POLA1: variants seen among roughly 807,000 people sequenced by gnomAD.
POLA1 encodes the protein DNA polymerase alpha 1, catalytic subunit.
POLA1 carries 15 observed loss-of-function variants against 124.0 expected under a neutral mutation model. The ratio of observed to expected loss-of-function variants is 0.12; its 90% CI spans 0.08 to 0.19. The LOEUF is 0.19. POLA1 is among the 10% of genes least tolerant of loss of function. The pLI is 1.00. For synonymous variants in POLA1, 408 were observed against 389.4 expected (o/e 1.05, Z -0.56); for missense variants, 886 against 1,103.4 (o/e 0.80, Z 2.79).
intron 35 of POLA1, among the ~76,000 whole-genome samples, chrX:24,910,447 T>C (rs2047433204): frequency 9.0e-6 from 1 of 111,384 alleles, no homozygotes; most frequent in African/African-American, 3.3e-5. Flanking sequence ...GTTTTTAGCA[T>C]GAAGCGTTGT....
At position 24,821,494 on chromosome X, in the gene POLA1, C is replaced by G. The variant is rs200688540; in HGVS notation, c.3472C>G (p.Leu1158Val). Residue 1158 changes from leucine to valine, a missense_variant, in exon 31 of 37, where the codon CTA (leucine) becomes GTA (valine). Transcript: ENST00000379068. The stretch of plus-strand genomic sequence containing the variant: ...CCAGGATTACCCTGATAAAAAAAGC[C>G]TACCTCATGTACATGTTGCCCTCTG... ...DPQDYPDKKS[L>V]PHVHVALWIN... is the part of the protein sequence containing the mutation. The G allele has an allele frequency of 6.4e-5, 77 of 1,200,999 alleles. No homozygotes were observed. Among genetic ancestry groups the G allele is most frequent in the Non-Finnish European group, 7.9e-5 (70 of 887,621 alleles).
At chrX:24,851,257 C>T (rs374743592) in intron 34 of POLA1, among the ~76,000 whole-genome samples, 11 of 112,208 alleles carry the variant, frequency 9.8e-5, no homozygotes, top group Non-Finnish European at 1.9e-4. Flanking sequence ...GATAGGTGCT[C>T]GGTAAATTTT....
rs190888967 is a variant in POLA1 at position 24,800,649 on chromosome X, T to C, written c.2965-9249T>C. Among the ~76,000 whole-genome samples, 5 of 110,986 alleles carry C rather than the reference T, an allele frequency of 4.5e-5. No individual in the cohort carries two copies. In the East Asian group the frequency reaches 1.4e-3, roughly 31 times the overall value. ...TGAACTTCTAAACTGGAGGTTGGAG[T>C]GGAAGAGGAATGGAGAATAAGAATG... On this transcript the variant is annotated intron_variant, in intron 26 of 36. Coordinates refer to ENST00000379068, the MANE Select transcript of POLA1 (RefSeq NM_001330360.2).
intron 34 of POLA1, among the ~76,000 whole-genome samples, chrX:24,865,800 G>A (rs1011550595): frequency 4.5e-5 from 5 of 111,496 alleles, no homozygotes; most frequent in Admixed American, 9.6e-5. Flanking sequence ...ATCAGCTGAT[G>A]TACTTTTTGG....
intron 36 of POLA1, among the ~76,000 whole-genome samples, chrX:24,956,728 G>A (rs764160929): frequency 8.9e-6 from 1 of 111,839 alleles, no homozygotes; most frequent in South Asian, 3.7e-4. Context: ...TAGAATTTTG[G>A]CAATCATTCA....
At chrX:24,801,924 G>T (rs111261190) in intron 26 of POLA1, among the ~76,000 whole-genome samples, 1,432 of 74,486 alleles carry the variant, frequency 0.019, 35 homozygotes, top group African/African-American at 0.061. Context: ...GAGGTGGGTG[G>T]GTGTGTGTGT....
intron 23 of POLA1, among the ~76,000 whole-genome samples, chrX:24,744,877 G>A (rs764580254): frequency 9.4e-6 from 1 of 106,932 alleles, no homozygotes; most frequent in African/African-American, 3.4e-5. Flanking sequence ...ACTTGAACCC[G>A]GGAGGCAGAG....
Position 24,905,023 on chromosome X carries a change from C to CAAAA in POLA1, c.4164+16918_4164+16921dup, listed in dbSNP as rs59707195. Among the ~76,000 whole-genome samples, 84 of 43,943 alleles carry CAAAA rather than the reference C, an allele frequency of 1.9e-3. 1 individual carries two copies. The highest frequency in any genetic ancestry group is 5.6e-3 in the African/African-American group (83 of 14,832). The allele number at this position is 43,943 out of a possible 115,157, so 38.2% of individuals were successfully genotyped here. On this transcript the variant is annotated intron_variant, in intron 35 of 36. Transcript: ENST00000379068. ...TGGGCAACAGAGCAAGACTCTGTCT[C>CAAAA]AAAAAAAAAAAAAAAAAAAAGTTGT... is the stretch of plus-strand genomic sequence containing the variant.
At chrX:24,699,153 T>A (rs905803223) in intron 1 of POLA1, among the ~76,000 whole-genome samples, 2 of 112,167 alleles carry the variant, frequency 1.8e-5, no homozygotes, top group African/African-American at 6.5e-5. Context: ...AGGATATCAG[T>A]TGAATTGGGA....
At chrX:24,714,502 T>G in intron 4 of POLA1, 52 bp from the exon 5 acceptor site, 1 of 748,503 alleles carries the variant, frequency 1.3e-6, no homozygotes. Flanking sequence ...CTTTTAGTTT[T>G]CCATTTTGAT....
chrX:24,794,208 A>T (rs2045565865), intron 26 of POLA1, among the ~76,000 whole-genome samples: 1 of 111,298 alleles, frequency 9.0e-6, no homozygotes. Context: ...CAAATTCCTG[A>T]CCTCAAGTGA....
Position 24,989,037 on chromosome X carries a change from G to A in POLA1, c.4262-6768G>A, listed in dbSNP as rs778609448. 2.7e-5 allele frequency among the ~76,000 whole-genome samples: 3 copies of A among 111,929 alleles called. No homozygotes were observed. In the East Asian group the frequency reaches 8.3e-4, roughly 31 times the overall value. ...TTGTGTATGCTTCTTGGATATTGTT[G>A]CTGACTCAAGACTTGAAAAGACTGG... On this transcript the variant is annotated intron_variant, in intron 36 of 36. Transcript: ENST00000379068.
intron 26 of POLA1, among the ~76,000 whole-genome samples, chrX:24,761,625 G>C (rs898619465): frequency 1.8e-5 from 2 of 112,233 alleles, no homozygotes; most frequent in Admixed American, 1.9e-4. Flanking sequence ...ATGGCACGAT[G>C]TGATGGATAG....
At chrX:24,979,650 G>A (rs1233661792) in intron 36 of POLA1, among the ~76,000 whole-genome samples, 2 of 112,038 alleles carry the variant, frequency 1.8e-5, no homozygotes, top group Non-Finnish European at 3.8e-5. Flanking sequence ...TCCTCATCTT[G>A]AGAAATGTCA....
intron 34 of POLA1, among the ~76,000 whole-genome samples, chrX:24,884,027 A>G (rs1266095772): frequency 1.8e-5 from 2 of 112,007 alleles, no homozygotes; most frequent in Non-Finnish European, 3.8e-5. Flanking sequence ...AACTTATGCA[A>G]TATTATTATT....
intron 36 of POLA1, among the ~76,000 whole-genome samples, chrX:24,930,948 C>T (rs1478192707): frequency 6.3e-5 from 7 of 111,739 alleles, no homozygotes; most frequent in African/African-American, 2.3e-4. Flanking sequence ...CTCTGCTGTT[C>T]GCTAAAAGCC....
At chrX:24,973,541 G>C (rs2048329280) in intron 36 of POLA1, among the ~76,000 whole-genome samples, 1 of 111,876 alleles carries the variant, frequency 8.9e-6, no homozygotes, top group African/African-American at 3.3e-5. Context: ...CTTGGCCTTT[G>C]TCATGGCATG....
intron 35 of POLA1, among the ~76,000 whole-genome samples, chrX:24,912,950 A>G (rs949520226): frequency 5.4e-5 from 6 of 112,085 alleles, no homozygotes; most frequent in Admixed American, 9.4e-5. Context: ...AAAGGTTGAC[A>G]CTTGCTTATA....
intron 35 of POLA1, among the ~76,000 whole-genome samples, chrX:24,904,080 A>C (rs185364825): frequency 4.3e-4 from 47 of 108,369 alleles, no homozygotes; most frequent in African/African-American, 1.5e-3. Flanking sequence ...GACTGCAGGC[A>C]CTTGGCACCA....
Sources: gnomAD v4.1 joint callset for allele counts (sites outside exome capture counted in the v4.1 genomes callset) on GRCh38, gnomAD v4.1.1 for gene constraint, MANE v1.5 for transcripts, NCBI Gene and HGNC (gene_info 2026-07-23, HGNC 2026-07-21) for gene names.